Variants in RNF150 observed in about 807,000 individuals in gnomAD.
RNF150 encodes the protein ring finger protein 150.
A neutral mutation model predicts 39.3 loss-of-function variants in RNF150; 24 were observed. The ratio of observed to expected loss-of-function variants is 0.61; its 90% CI spans 0.44 to 0.86. RNF150 has a LOEUF of 0.86. Among genes scored for constraint, RNF150 ranks in the 40% least tolerant of loss-of-function variants. RNF150 has a pLI of 0.00. For missense variants in RNF150, 502 were observed against 587.8 expected (o/e 0.85, Z 1.51); for synonymous variants, 255 against 227.3 (o/e 1.12, Z -1.10).
chr4:140,939,682 C>T (rs551738844), intron 4 of RNF150, among the ~76,000 whole-genome samples: 152 of 148,834 alleles, frequency 1.0e-3, no homozygotes, highest in African/African-American at 3.7e-3. Context: ...ACATCCCTTT[C>T]AGTGCTTGAA....
intron 1 of RNF150, among the ~76,000 whole-genome samples, chr4:141,185,923 T>G (rs111769181): frequency 6.6e-6 from 1 of 152,240 alleles, no homozygotes; most frequent in African/African-American, 2.4e-5. Flanking sequence ...TGCTGCTGGA[T>G]TTGGTTTACC....
At chr4:140,885,773 T>C (rs1422922367) in intron 6 of RNF150, among the ~76,000 whole-genome samples, 1 of 152,058 alleles carries the variant, frequency 6.6e-6, no homozygotes, top group Non-Finnish European at 1.5e-5. Flanking sequence ...CAGCCAATTT[T>C]TATACTTTTA....
intron 1 of RNF150, among the ~76,000 whole-genome samples, chr4:141,047,377 A>T (rs1004855563): frequency 6.6e-6 from 1 of 152,190 alleles, no homozygotes; most frequent in Non-Finnish European, 1.5e-5. Context: ...CAGCTGAGAC[A>T]GGCAGAGGCT....
intron 6 of RNF150, among the ~76,000 whole-genome samples, chr4:140,885,459 G>A (rs1225715945): frequency 7.0e-5 from 8 of 114,818 alleles, no homozygotes; most frequent in African/African-American, 1.1e-4. Flanking sequence ...TTTTTGAGAC[G>A]GAGTTTTGCT....
chr4:140,902,327 A>G lies in RNF150; in HGVS notation c.1198+8817T>C, dbSNP rs548155286. 8.2e-4 allele frequency among the ~76,000 whole-genome samples: 125 copies of G among 152,350 alleles called. 5 individuals are homozygous for G. In the South Asian group the frequency reaches 0.026, roughly 31 times the overall value. On this transcript the variant is annotated intron_variant, in intron 6 of 6. Transcript: ENST00000515673. ...AGCACTGGGAAGTAATTTTACTGTAAAAACAAAAGTCACTAACTTATAAAA... is the reference window on the plus strand; with the variant it reads ...AGCACTGGGAAGTAATTTTACTGTAGAAACAAAAGTCACTAACTTATAAAA...
chr4:140,930,911 A>T (rs117809110), intron 4 of RNF150, among the ~76,000 whole-genome samples: 1 of 151,870 alleles, frequency 6.6e-6, no homozygotes, highest in African/African-American at 2.4e-5. Context: ...GTTAACGACA[A>T]TGGAAAGGTT....
At chr4:140,954,327 AC>A (rs1732662212) in intron 2 of RNF150, among the ~76,000 whole-genome samples, 2 of 152,112 alleles carry the variant, frequency 1.3e-5, no homozygotes, top group Admixed American at 1.3e-4. Context: ...TGATTCTCAT[AC>A]CTCAGCCTCC....
At chr4:141,107,871 TA>T (rs1441380216) in intron 1 of RNF150, among the ~76,000 whole-genome samples, 1 of 152,226 alleles carries the variant, frequency 6.6e-6, no homozygotes, top group Admixed American at 6.5e-5. Flanking sequence ...ATTGCATCAT[TA>T]AAATGTCATT....
At chr4:140,926,964 T>TGTA (rs1731422637) in intron 4 of RNF150, among the ~76,000 whole-genome samples, 1 of 152,232 alleles carries the variant, frequency 6.6e-6, no homozygotes, top group Admixed American at 6.5e-5. Flanking sequence ...ACTCTCTTTC[T>TGTA]GTACTCCCTG....
At chr4:141,122,495 T>C (rs10029462) in intron 1 of RNF150, among the ~76,000 whole-genome samples, 6,770 of 152,326 alleles carry the variant, frequency 0.044, 518 homozygotes, top group African/African-American at 0.15. Flanking sequence ...TACGGGCTAT[T>C]ATAAAAGAAA....
intron 6 of RNF150, among the ~76,000 whole-genome samples, chr4:140,900,212 G>C (rs1730140710): frequency 6.6e-6 from 1 of 152,146 alleles, no homozygotes; most frequent in Admixed American, 6.6e-5. Context: ...TAGAGCAGTT[G>C]TCTATGGGTC....
At chr4:141,182,172 ACG>A (rs1481929989) in intron 1 of RNF150, among the ~76,000 whole-genome samples, 1 of 144,732 alleles carries the variant, frequency 6.9e-6, no homozygotes, top group Non-Finnish European at 1.5e-5. Flanking sequence ...TATTGATGGG[ACG>A]TATTTCAAAA....
rs762830467 is a variant in RNF150 at position 140,863,614 on chromosome 4, A to G, written c.*4647T>C. The G allele has an allele frequency of 7.2e-5, 11 of 152,344 alleles. No individual in the cohort carries two copies. Among genetic ancestry groups the G allele is most frequent in the Middle Eastern group, 3.4e-3 (1 of 294 alleles). The allele number at this position is 152,344 out of a possible 1,614,324, so 9.4% of individuals were successfully genotyped here. ...GAAAACAAATCAGAAAAAAAGGGGA[A>G]GAGAGAAGATGGGAAAATAATTTAT... On this transcript the variant is annotated 3_prime_UTR_variant, in exon 7 of 7. Transcript: ENST00000515673.
chr4:140,877,142 G>A (rs1283972347), intron 6 of RNF150, among the ~76,000 whole-genome samples: 1 of 152,148 alleles, frequency 6.6e-6, no homozygotes, highest in Non-Finnish European at 1.5e-5. Flanking sequence ...TCATCTAGCA[G>A]GGGAAAGATT....
chr4:140,978,485 A>G (rs2111450969), intron 1 of RNF150, among the ~76,000 whole-genome samples: 1 of 152,316 alleles, frequency 6.6e-6, no homozygotes, highest in East Asian at 1.9e-4. Flanking sequence ...GAAAGTTTGT[A>G]GACATTCCTA....
intron 1 of RNF150, among the ~76,000 whole-genome samples, chr4:141,174,108 T>G (rs1342434383): frequency 1.3e-5 from 2 of 152,226 alleles, no homozygotes; most frequent in Non-Finnish European, 2.9e-5. Flanking sequence ...GAATTGTTAT[T>G]TGGGCATATG....
At chr4:140,973,025 A>G (rs1212262208) in intron 1 of RNF150, among the ~76,000 whole-genome samples, 1 of 152,176 alleles carries the variant, frequency 6.6e-6, no homozygotes, top group Non-Finnish European at 1.5e-5. Context: ...GGGGTATCAC[A>G]TGACCATGTA....
At chr4:140,960,634 A>G (rs551260366) in intron 2 of RNF150, among the ~76,000 whole-genome samples, 2 of 152,250 alleles carry the variant, frequency 1.3e-5, no homozygotes, top group African/African-American at 4.8e-5. Context: ...AATTTAATCA[A>G]TCATGCCTAC....
chr4:141,069,755 T>G (rs1024053756), intron 1 of RNF150, among the ~76,000 whole-genome samples: 29 of 151,986 alleles, frequency 1.9e-4, no homozygotes, highest in African/African-American at 6.5e-4. Context: ...ATTGGTCTAT[T>G]CAGAGATTCA....
Sources: gnomAD v4.1 joint callset for allele counts (sites outside exome capture counted in the v4.1 genomes callset) on GRCh38, gnomAD v4.1.1 for gene constraint, MANE v1.5 for transcripts, NCBI Gene and HGNC (gene_info 2026-07-23, HGNC 2026-07-21) for gene names.